The following CHPT1 variants were observed in gnomAD, a reference collection of about 807,000 sequenced individuals.
CHPT1 encodes the protein choline phosphotransferase 1, also known as cholinephosphotransferase 1.
Under a neutral mutation model 47.6 loss-of-function variants are expected in CHPT1, and 36 were observed. That is an observed-to-expected ratio of 0.76 (90% CI 0.58 to 1.00). The LOEUF (loss-of-function observed/expected upper bound fraction) is 1.00, where lower values mean the gene tolerates loss of function less well. CHPT1 is among the 50% of genes least tolerant of loss of function. The pLI, the probability that CHPT1 is intolerant of heterozygous loss-of-function variation, is 0.00. For missense variants in CHPT1, 458 were observed against 498.1 expected (o/e 0.92, Z 0.77); for synonymous variants, 194 against 186.3 (o/e 1.04, Z -0.33).
chr12:101,726,194 T>C, intron 7 of CHPT1, 100 bp from the exon 8 acceptor site: 2 of 778,386 alleles, frequency 2.6e-6, no homozygotes, highest in South Asian at 1.8e-5. Flanking sequence ...TGGTGAAGAA[T>C]TTTAGGTTAA....
At chr12:101,718,327 C>T (rs901736029) in intron 4 of CHPT1, among the ~76,000 whole-genome samples, 1 of 152,106 alleles carries the variant, frequency 6.6e-6, no homozygotes, top group Admixed American at 6.5e-5. Context: ...AAACGTACCA[C>T]GCTGGTGTAG....
rs931844834 is a variant in CHPT1 at position 101,697,647 on chromosome 12, C to T, written c.-215C>T. On this transcript the variant is annotated 5_prime_UTR_variant, in exon 1 of 9. Coordinates refer to ENST00000229266, the MANE Select transcript of CHPT1 (RefSeq NM_020244.3). ...ACCCCTCCCCGAGGCCCCGCCCCAC[C>T]CGCGAGCCGCAGCCGCGGCCCCACA... The T allele has an allele frequency of 1.5e-3, 236 of 161,322 alleles. No homozygotes were observed. The highest frequency in any genetic ancestry group is 5.5e-3 in the African/African-American group (231 of 41,650). 10.0% of individuals were successfully genotyped at this position (161,322 alleles called of 1,614,324 possible).
rs1264424167 is a variant in CHPT1, at chr12:101,723,228, A to T, written c.841A>T (p.Ile281Phe). ...ACTAATTATTATACTGGCAATAATG[A>T]TCTATAAAAAGTCAGCAACTGATGT... ...IGLIIILAIM[I>F]YKKSATDVFE... The change falls in exon 6 of 9, where the codon ATC becomes TTC. Residue 281 changes from isoleucine (I) to phenylalanine (F), a missense_variant. Transcript: ENST00000229266. The T allele has an allele frequency of 1.9e-6, 3 of 1,612,320 alleles. No homozygotes were observed. The East Asian group carries it at 6.7e-5, about 36-fold the overall frequency.
chr12:101,719,156 GAAAA>G (rs779382436), intron 4 of CHPT1, among the ~76,000 whole-genome samples: 4 of 95,074 alleles, frequency 4.2e-5, no homozygotes, highest in Admixed American at 2.7e-4. Context: ...CTCGTCTCAA[GAAAA>G]AAAAAAAAAA....
chr12:101,710,590 T>A (rs185376226), intron 1 of CHPT1, among the ~76,000 whole-genome samples: 1 of 148,892 alleles, frequency 6.7e-6, no homozygotes, highest in East Asian at 2.0e-4. Flanking sequence ...ACTTTTAAAC[T>A]GGTGAACAGT....
chr12:101,725,530 G>C (rs191896459), intron 7 of CHPT1, among the ~76,000 whole-genome samples: 6 of 151,586 alleles, frequency 4.0e-5, no homozygotes, highest in African/African-American at 1.5e-4. Flanking sequence ...ATCATCTGTC[G>C]TAACGAGTAA....
chr12:101,703,348 A>G (rs904218600), intron 1 of CHPT1, among the ~76,000 whole-genome samples: 2 of 152,222 alleles, frequency 1.3e-5, no homozygotes, highest in African/African-American at 2.4e-5. Context: ...AAAGAAAACC[A>G]AAATGATTCA....
At chr12:101,728,352 CATT>C (rs143727536) in intron 8 of CHPT1, 7,631 of 153,476 alleles carry the variant, frequency 0.05, 462 homozygotes, top group African/African-American at 0.14. Context: ...AATGAAGTGA[CATT>C]ATGTCTTTGT....
chr12:101,728,834 A>G, intron 8 of CHPT1, 67 bp from the exon 9 acceptor site: 1 of 1,570,662 alleles, frequency 6.4e-7, no homozygotes, highest in South Asian at 1.1e-5. Context: ...AGATGTTACA[A>G]TTAAACTATT....
At chr12:101,702,930 T>C (rs1288979434) in intron 1 of CHPT1, among the ~76,000 whole-genome samples, 1 of 152,126 alleles carries the variant, frequency 6.6e-6, no homozygotes, top group Admixed American at 6.6e-5. Context: ...GCAGCCATGG[T>C]GCCTCCCTGC....
In CHPT1 at chr12:101,697,833, G is replaced by C. The variant is rs1286554015; in HGVS notation, c.-29G>C. 3.2e-6 allele frequency: 3 copies of C among 939,844 alleles called. No homozygotes were observed. Among genetic ancestry groups the C allele is most frequent in the Non-Finnish European group, 3.9e-6 (3 of 770,492 alleles). 58.2% of individuals were successfully genotyped at this position (939,844 alleles called of 1,614,324 possible). A position where few individuals can be genotyped will look rare whatever the true frequency, so the allele number is the denominator to read the frequency against. Reference sequence around the variant, plus strand: ...CCAGCGCCAGGCGCGGGCTGCGCTCGGTGGCGGCGGCGGGGCCCTCAGGCG... The same window carrying C: ...CCAGCGCCAGGCGCGGGCTGCGCTCCGTGGCGGCGGCGGGGCCCTCAGGCG... On this transcript the variant is annotated 5_prime_UTR_variant, in exon 1 of 9. Coordinates refer to ENST00000229266, the MANE Select transcript of CHPT1 (RefSeq NM_020244.3).
At chr12:101,723,916 A>G (rs1951901448) in intron 7 of CHPT1, 69 bp downstream of exon 7, 2 of 1,198,656 alleles carry the variant, frequency 1.7e-6, no homozygotes, top group Non-Finnish European at 2.4e-6. Flanking sequence ...AGCTATCAGT[A>G]GCCTCAAGAT....
rs201821258 is a variant in CHPT1 at position 101,698,069 on chromosome 12, G to T, written c.208G>T (p.Gly70Trp). The T allele has an allele frequency of 1.3e-6, 2 of 1,570,338 alleles. No individual in the cohort carries two copies. The highest frequency in any genetic ancestry group is 8.6e-7 in the Non-Finnish European group (1 of 1,166,592). ...WMAPNSITLL[G>W]LAVNVVTTLV... ...GGCCCCCAACTCCATCACCCTGCTG[G>T]GGCTCGCCGTCAACGTGGTCACCAC... The change falls in exon 1 of 9, where the codon GGG becomes TGG. Residue 70 changes from glycine (G) to tryptophan (W), a missense_variant. Gly to Trp is a radical substitution (Grantham distance 184). Coordinates refer to ENST00000229266, the MANE Select transcript of CHPT1 (RefSeq NM_020244.3).
At chr12:101,727,957 G>C (rs1952006337) in intron 8 of CHPT1, 1 of 152,056 alleles carries the variant, frequency 6.6e-6, no homozygotes, top group Non-Finnish European at 1.5e-5. Context: ...TTAAAACATA[G>C]AAAAGCAGGA....
At position 101,716,754 on chromosome 12, in the gene CHPT1, C is replaced by A. The variant is rs774438855; in HGVS notation, c.590C>A (p.Ala197Asp). 1 of 1,608,168 alleles carries A rather than the reference C, an allele frequency of 6.2e-7. No homozygotes were observed. Among genetic ancestry groups the A allele is most frequent in the Non-Finnish European group, 8.5e-7 (1 of 1,177,256 alleles). ...GTGGATGTAACTGAAATTCAGATAGCTTTAGTGATTGTCTTTGTGTTGTCT... is the reference window on the plus strand; with the variant it reads ...GTGGATGTAACTGAAATTCAGATAGATTTAGTGATTGTCTTTGTGTTGTCT... Reference protein sequence around the residue: ...GKVDVTEIQIALVIVFVLSAF... With the variant: ...GKVDVTEIQIDLVIVFVLSAF... The change falls in exon 4 of 9, where the codon GCT (alanine) becomes GAT (aspartate). Residue 197 changes from alanine to aspartate, a missense_variant. By Grantham distance (126) the Ala-to-Asp change is moderately radical (BLOSUM62 -2). Transcript: ENST00000229266.
Position 101,698,005 on chromosome 12 carries a change from C to A in CHPT1, c.144C>A (p.Leu48=). Residue 48 remains leucine (L), a synonymous_variant, in exon 1 of 9, where the codon CTC becomes CTA. Transcript: ENST00000229266. The part of the protein sequence containing the change: ...GVSLLEPPLQ[L]YWTWLLQWIP... ...CGCTGCTCGAGCCGCCGCTGCAGCT[C>A]TACTGGACCTGGCTGCTCCAGTGGA... is the stretch of plus-strand genomic sequence containing the variant. 1.3e-6 allele frequency: 2 copies of A among 1,574,084 alleles called. No homozygotes were observed. Among genetic ancestry groups the A allele is most frequent in the Non-Finnish European group, 1.7e-6 (2 of 1,169,800 alleles).
chr12:101,714,696 G>C, intron 3 of CHPT1, 51 bp downstream of exon 3: 1 of 1,534,562 alleles, frequency 6.5e-7, no homozygotes, highest in Non-Finnish European at 8.8e-7. Context: ...GAATTCATTT[G>C]CACAATCTGT....
chr12:101,699,354 TGTCAATGGA>T lies in CHPT1; in HGVS notation c.273+1221_273+1229del, dbSNP rs1566033848. ...ATCGAGCCTACATTTTAAAATATCT[TGTCAATGGA>T]TTGGTATGCTTATTATGTATTTCTT... On this transcript the variant is annotated intron_variant, in intron 1 of 8. Coordinates refer to ENST00000229266, the MANE Select transcript of CHPT1 (RefSeq NM_020244.3). Among the ~76,000 whole-genome samples, 292 of 150,974 alleles carry T rather than the reference TGTCAATGGA, an allele frequency of 1.9e-3. 1 individual carries two copies. Among genetic ancestry groups the T allele is most frequent in the African/African-American group, 6.4e-3 (261 of 40,824 alleles).
At chr12:101,726,070 T>C (rs1409337405) in intron 7 of CHPT1, among the ~76,000 whole-genome samples, 1 of 152,116 alleles carries the variant, frequency 6.6e-6, no homozygotes, top group Non-Finnish European at 1.5e-5. Flanking sequence ...TTTAGTCGTC[T>C]TTTTTACCTC....
Sources: gnomAD v4.1 joint callset for allele counts (sites outside exome capture counted in the v4.1 genomes callset) on GRCh38, gnomAD v4.1.1 for gene constraint, MANE v1.5 for transcripts, NCBI Gene and HGNC (gene_info 2026-07-23, HGNC 2026-07-21) for gene names.